EBF1: variants seen among roughly 807,000 people sequenced by gnomAD.
EBF1 encodes the protein EBF transcription factor 1, also known as transcription factor COE1.
Under a neutral mutation model 68.4 loss-of-function variants are expected in EBF1, and 10 were observed. The ratio of observed to expected loss-of-function variants is 0.15; its 90% CI spans 0.09 to 0.25. The LOEUF (loss-of-function observed/expected upper bound fraction) is 0.25. Ranked by LOEUF, EBF1 falls within the 10% of genes least tolerant of loss-of-function variation. The pLI, the probability that EBF1 is intolerant of heterozygous loss-of-function variation, is 1.00. For missense variants in EBF1, 509 were observed against 794.4 expected, an observed-to-expected ratio of 0.64 and a Z score of 4.32; for synonymous variants, 298 against 299.8, an observed-to-expected ratio of 0.99 and a Z score of 0.06.
At chr5:159,001,762 C>A (rs1257623107) in intron 6 of EBF1, among the ~76,000 whole-genome samples, 3 of 152,180 alleles carry the variant, frequency 2.0e-5, no homozygotes, top group Non-Finnish European at 4.4e-5. Flanking sequence ...AGCTGTTAAG[C>A]CTGAGTCACA....
At chr5:158,893,199 C>T (rs1401602239) in intron 6 of EBF1, among the ~76,000 whole-genome samples, 1 of 152,208 alleles carries the variant, frequency 6.6e-6, no homozygotes, top group Non-Finnish European at 1.5e-5. Flanking sequence ...GCTCAACCAT[C>T]AGTTCCAAAT....
chr5:158,952,475 T>G (rs1001835070), intron 6 of EBF1, among the ~76,000 whole-genome samples: 8 of 152,320 alleles, frequency 5.3e-5, no homozygotes, highest in African/African-American at 1.9e-4. Context: ...TTCTCCCCCT[T>G]GCACTAAAAA....
chr5:158,761,846 T>C (rs1171371600), intron 10 of EBF1, among the ~76,000 whole-genome samples: 1 of 152,218 alleles, frequency 6.6e-6, no homozygotes, highest in South Asian at 2.1e-4. Flanking sequence ...TTTTATTACA[T>C]TAAGGTTTTA....
intron 11 of EBF1, among the ~76,000 whole-genome samples, chr5:158,714,870 A>G (rs1379083765): frequency 6.6e-6 from 1 of 152,046 alleles, no homozygotes. Flanking sequence ...TTGCTCATTC[A>G]TTCTCATCCT....
intron 6 of EBF1, among the ~76,000 whole-genome samples, chr5:158,969,288 G>A (rs1754820314): frequency 6.6e-6 from 1 of 152,160 alleles, no homozygotes. Context: ...GGGCAACAGA[G>A]CAAGACTCGG....
chr5:158,742,955 G>A (rs915823627), intron 10 of EBF1, among the ~76,000 whole-genome samples: 4 of 152,102 alleles, frequency 2.6e-5, no homozygotes, highest in Non-Finnish European at 4.4e-5. Context: ...TGTATACAAG[G>A]CCCCATGCTT....
intron 6 of EBF1, among the ~76,000 whole-genome samples, chr5:158,981,188 C>T (rs1190362085): frequency 1.3e-5 from 2 of 150,842 alleles, no homozygotes; most frequent in Non-Finnish European, 3.0e-5. Flanking sequence ...AATATCCTTG[C>T]ATCAAAATGA....
Position 158,713,092 on chromosome 5 carries a change from C to G in EBF1, c.1247G>C (p.Arg416Pro). Residue 416 changes from arginine to proline, a missense_variant, in exon 13 of 16, where the codon CGC (arginine) becomes CCC (proline). Physicochemically the swap from Arg to Pro is moderately radical, Grantham distance 103. Around this residue, in one of 3 missense-constraint regions of EBF1, gnomAD observed 205 missense variants for 247.4 expected, o/e 0.83. Coordinates refer to ENST00000313708, the MANE Select transcript of EBF1 (RefSeq NM_024007.5). Reference sequence around the variant, plus strand: ...AAGGGCCGGGAGTTGGTTGTGGTTGCGGGGAACACTGTACAGGGCCTCGGC... The same window carrying G: ...AAGGGCCGGGAGTTGGTTGTGGTTGGGGGGAACACTGTACAGGGCCTCGGC... ...DIAEALYSVP[R>P]NHNQLPALAN... 6.3e-7 allele frequency: 1 copy of G among 1,597,124 alleles called. No homozygotes were observed. Among genetic ancestry groups the G allele is most frequent in the Non-Finnish European group, 8.5e-7 (1 of 1,170,420 alleles).
chr5:158,817,627 A>T (rs1354043210), intron 8 of EBF1, among the ~76,000 whole-genome samples: 1 of 152,216 alleles, frequency 6.6e-6, no homozygotes, highest in Non-Finnish European at 1.5e-5. Flanking sequence ...AAACAGACTA[A>T]GACACCTAGT....
At chr5:158,901,445 C>A (rs948649098) in intron 6 of EBF1, among the ~76,000 whole-genome samples, 1 of 152,190 alleles carries the variant, frequency 6.6e-6, no homozygotes, top group Non-Finnish European at 1.5e-5. Context: ...AATGGGTAGT[C>A]AACAATAAAT....
intron 6 of EBF1, among the ~76,000 whole-genome samples, chr5:158,945,335 T>C (rs955568344): frequency 5.9e-5 from 9 of 152,234 alleles, no homozygotes; most frequent in African/African-American, 2.2e-4. Context: ...GGGGATTCTT[T>C]CCCCATTACT....
chr5:159,054,816 C>T (rs957479634), intron 6 of EBF1, among the ~76,000 whole-genome samples: 2 of 152,220 alleles, frequency 1.3e-5, no homozygotes, highest in Non-Finnish European at 2.9e-5. Context: ...GGATGTTGCA[C>T]AGGCAACCTC....
intron 9 of EBF1, among the ~76,000 whole-genome samples, chr5:158,790,263 A>C (rs1778344474): frequency 6.6e-6 from 1 of 152,210 alleles, no homozygotes; most frequent in Admixed American, 6.5e-5. Flanking sequence ...TACTGACTAA[A>C]ACCAGATGCA....
chr5:158,941,031 A>G (rs1295573634), intron 6 of EBF1, among the ~76,000 whole-genome samples: 1 of 152,162 alleles, frequency 6.6e-6, no homozygotes, highest in African/African-American at 2.4e-5. Context: ...CTTGAAGATC[A>G]TTAGGGCAAA....
At chr5:158,750,606 G>A (rs937253920) in intron 10 of EBF1, among the ~76,000 whole-genome samples, 7 of 151,806 alleles carry the variant, frequency 4.6e-5, no homozygotes, top group East Asian at 3.9e-4. Context: ...CTCACTTTAC[G>A]GCTAGATATA....
intron 6 of EBF1, among the ~76,000 whole-genome samples, chr5:158,868,260 G>A (rs1469120249): frequency 6.6e-6 from 1 of 151,958 alleles, no homozygotes; most frequent in Non-Finnish European, 1.5e-5. Flanking sequence ...TTAATTTTGT[G>A]TGTATATGGC....
chr5:159,009,187 G>A (rs1191375339), intron 6 of EBF1, among the ~76,000 whole-genome samples: 1 of 152,222 alleles, frequency 6.6e-6, no homozygotes, highest in African/African-American at 2.4e-5. Context: ...CAGCTTGTTA[G>A]TTGAAGATCT....
rs187646749 is a variant in EBF1 at position 158,738,454 on chromosome 5, G to A, written c.1037-7297C>T. The stretch of plus-strand genomic sequence containing the variant: ...AAAGAAAACTAATTTTTAAGATTTT[G>A]CATCTTGAACTCAATTATTCTCTAA... On this transcript the variant is annotated intron_variant, in intron 10 of 15. Coordinates refer to ENST00000313708, the MANE Select transcript of EBF1 (RefSeq NM_024007.5). Among the ~76,000 whole-genome samples, 153 of 152,284 alleles carry A rather than the reference G, an allele frequency of 1.0e-3. 2 individuals carry two copies. Among genetic ancestry groups the A allele is most frequent in the Admixed American group, 6.7e-3 (103 of 15,296 alleles).
chr5:159,095,620 T>C lies in EBF1; in HGVS notation c.411A>G (p.Gln137=). ...CGTGGCCCAAAATCAAGAAACTTACTTGTTTTGTCATGGAGTCAATGAGGC... is the reference window on the plus strand; with the variant it reads ...CGTGGCCCAAAATCAAGAAACTTACCTGTTTTGTCATGGAGTCAATGAGGC... The part of the protein sequence containing the change: ...YVRLIDSMTK[Q]AIVYEGQDKN... The change falls in exon 4 of 16, where the codon CAA becomes CAG. Residue 137 remains glutamine (Q), a splice_region_variant and synonymous_variant. Coordinates refer to ENST00000313708, the MANE Select transcript of EBF1 (RefSeq NM_024007.5). 6.2e-7 allele frequency: 1 copy of C among 1,613,914 alleles called. No individual in the cohort carries two copies. Among genetic ancestry groups the C allele is most frequent in the Non-Finnish European group, 8.5e-7 (1 of 1,179,866 alleles).
Sources: gnomAD v4.1 joint callset for allele counts (sites outside exome capture counted in the v4.1 genomes callset) on GRCh38, gnomAD v4.1.1 for gene constraint, gnomAD v4.1.1 regional missense constraint, MANE v1.5 for transcripts, NCBI Gene and HGNC (gene_info 2026-07-23, HGNC 2026-07-21) for gene names.